ATP8B3: variants seen among roughly 807,000 people sequenced by gnomAD.
ATP8B3 encodes phospholipid-transporting ATPase IK.
ATP8B3 carries 141 observed loss-of-function variants against 140.9 expected under a neutral mutation model. That is an observed-to-expected ratio of 1.00 (90% CI 0.87 to 1.15). The LOEUF (loss-of-function observed/expected upper bound fraction) is 1.15. ATP8B3 is among the 50% of genes most tolerant of loss of function. The pLI, the probability that ATP8B3 is intolerant of heterozygous loss-of-function variation, is 0.00. For synonymous variants in ATP8B3, 765 were observed against 714.6 expected (o/e 1.07, Z -1.13); for missense variants, 1,874 against 1,740.6 (o/e 1.08, Z -1.36).
In ATP8B3 at chr19:1,806,369, G is replaced by C; in HGVS notation, c.678-200C>G. On this transcript the variant is annotated intron_variant, in intron 7 of 28. Transcript: ENST00000310127. The surrounding 1 kb of genome is among the most constrained non-coding windows in gnomAD (Gnocchi z 5.6). Reference sequence around the variant, plus strand: ...CCCACCCAGTGACCTCCAGGGTCCTGCACCCACGTCCTCTTCAGACTTTCC... The same window carrying C: ...CCCACCCAGTGACCTCCAGGGTCCTCCACCCACGTCCTCTTCAGACTTTCC... The C allele has an allele frequency of 6.9e-7, 1 of 1,449,344 alleles. No individual in the cohort carries two copies. Among genetic ancestry groups the C allele is most frequent in the South Asian group, 1.5e-5 (1 of 68,850 alleles). 89.8% of individuals were successfully genotyped at this position (1,449,344 alleles called of 1,614,324 possible).
At chr19:1,796,663 G>A in intron 16 of ATP8B3, 48 bp downstream of exon 16, 4 of 1,579,958 alleles carry the variant, frequency 2.5e-6, no homozygotes, top group Non-Finnish European at 3.4e-6. Flanking sequence ...ACACTGCCGT[G>A]CCCCGGGGGC....
chr19:1,785,760 A>G, intron 25 of ATP8B3, 52 bp from the exon 26 acceptor site: 2 of 1,401,652 alleles, frequency 1.4e-6, no homozygotes, highest in Non-Finnish European at 2.0e-6. Flanking sequence ...GGGACACCCA[A>G]CAGAGATCAG....
intron 18 of ATP8B3, 71 bp downstream of exon 18, chr19:1,795,804 C>T: frequency 2.9e-6 from 2 of 683,246 alleles, no homozygotes; most frequent in Non-Finnish European, 4.7e-6. Flanking sequence ...CACACACACA[C>T]ACACACACAC....
chr19:1,789,079 G>T lies in ATP8B3; in HGVS notation c.2887C>A (p.Gln963Lys). The T allele has an allele frequency of 6.3e-7, 1 of 1,586,950 alleles. No homozygotes were observed. Among genetic ancestry groups the T allele is most frequent in the Non-Finnish European group, 8.5e-7 (1 of 1,171,542 alleles). ...GVGLAGQEGM[Q>K]AVQNSDFVLG... ...ACGAAGTCGCTGTTCTGAACTGCCT[G>T]CATGCCCTCCTGGCCCGCCAGCCCC... The change falls in exon 24 of 29, where the codon CAG becomes AAG. Residue 963 changes from glutamine to lysine, a missense_variant. Gln to Lys is a moderately conservative substitution (Grantham distance 53). Around this residue, in one of 3 missense-constraint regions of ATP8B3, gnomAD observed 840 missense variants for 760.9 expected, o/e 1.10. Transcript: ENST00000310127.
rs1167906939 is a variant in ATP8B3 at position 1,802,049 on chromosome 19, A to G, written c.1064-5T>C. 15 of 1,607,012 alleles carry G rather than the reference A, an allele frequency of 9.3e-6. No homozygotes were observed. Among genetic ancestry groups the G allele is most frequent in the Non-Finnish European group, 1.3e-5 (15 of 1,177,954 alleles). ...TCATAATTTTTGTGTCAAAACCTAC[A>G]AACATGTATCCATCTATCCACCCAC... On this transcript the variant is annotated splice_polypyrimidine_tract_variant and splice_region_variant and intron_variant, in intron 11 of 28. Coordinates refer to ENST00000310127, the MANE Select transcript of ATP8B3 (RefSeq NM_138813.4).
At chr19:1,790,908 G>C (rs1344614499) in intron 20 of ATP8B3, 76 bp from the exon 21 acceptor site, 6 of 1,163,854 alleles carry the variant, frequency 5.2e-6, no homozygotes, top group Admixed American at 2.4e-5. Flanking sequence ...CACTCTGCCC[G>C]GTGAATCCTG....
Position 1,789,106 on chromosome 19 carries a change from C to A in ATP8B3, c.2860G>T (p.Val954Leu), listed in dbSNP as rs747084022. ...INMIKTADVGVGLAGQEGMQA... is the reference protein window; with the variant it reads ...INMIKTADVGLGLAGQEGMQA... Reference sequence around the variant, plus strand: ...ATGCCCTCCTGGCCCGCCAGCCCCACGCCCACGTCCGCGGCTGCAGGGCAC... The same window carrying A: ...ATGCCCTCCTGGCCCGCCAGCCCCAAGCCCACGTCCGCGGCTGCAGGGCAC... The change falls in exon 24 of 29, where the codon GTG becomes TTG. Residue 954 changes from valine to leucine, a missense_variant. Around this residue, in one of 3 missense-constraint regions of ATP8B3, gnomAD observed 840 missense variants for 760.9 expected, o/e 1.10. Transcript: ENST00000310127. 5 of 1,588,890 alleles carry A rather than the reference C, an allele frequency of 3.1e-6. No individual in the cohort carries two copies. In the South Asian group the frequency reaches 3.4e-5, roughly 11 times the overall value.
At position 1,784,834 on chromosome 19, in the gene ATP8B3, C is replaced by T. The variant is rs975260653; in HGVS notation, c.3645G>A (p.Lys1215=). The change falls in exon 28 of 29, where the codon AAG becomes AAA. Residue 1215 remains lysine, a synonymous_variant. Coordinates refer to ENST00000310127, the MANE Select transcript of ATP8B3 (RefSeq NM_138813.4). ...LALRVIFPAL[K]ELRAKEEKVE... ...CCCACCTCACCTTGGCACGTAGCTC[C>T]TTGAGGGCTGGGAAGATGACTCGGA... The T allele has an allele frequency of 8.7e-6, 14 of 1,606,804 alleles. No individual in the cohort carries two copies. The highest frequency in any genetic ancestry group is 1.2e-5 in the Non-Finnish European group (14 of 1,176,776).
chr19:1,807,187 C>T lies in ATP8B3; in HGVS notation c.596G>A (p.Arg199Gln), dbSNP rs748700469. ...ACTCACCATGTCGTCCACCAGGTCC[C>T]GGGTGGCACGGATGAAGAGGAGGCA... is the stretch of plus-strand genomic sequence containing the variant. ...MVCLLFIRAT[R>Q]DLVDDMGRHK... Residue 199 changes from arginine (R) to glutamine (Q), a missense_variant, in exon 6 of 29, where the codon CGG (arginine) becomes CAG (glutamine). Arg to Gln is a conservative substitution (Grantham distance 43, BLOSUM62 1). Coordinates refer to ENST00000310127, the MANE Select transcript of ATP8B3 (RefSeq NM_138813.4). The surrounding 1 kb of genome is among the most constrained non-coding windows in gnomAD (Gnocchi z 5.9). 1.2e-5 allele frequency: 20 copies of T among 1,612,836 alleles called. No individual in the cohort carries two copies. Among genetic ancestry groups the T allele is most frequent in the South Asian group, 4.4e-5 (4 of 91,064 alleles).
chr19:1,811,899 A>G lies in ATP8B3; in HGVS notation c.-148-15T>C. On this transcript the variant is annotated splice_polypyrimidine_tract_variant and intron_variant, in intron 1 of 28. Transcript: ENST00000310127. ...TCGAAGTGTATCTGGGGGCAGAAAG[A>G]GACACGGACACAGCGCTGGCTTCCT... 1 of 776,964 alleles carries G rather than the reference A, an allele frequency of 1.3e-6. No individual in the cohort carries two copies. Among genetic ancestry groups the G allele is most frequent in the Non-Finnish European group, 2.0e-6 (1 of 507,138 alleles). The allele number at this position is 776,964 out of a possible 1,614,324, so 48.1% of individuals were successfully genotyped here. A position where few individuals can be genotyped will look rare whatever the true frequency, so the allele number is the denominator to read the frequency against.
intron 12 of ATP8B3, among the ~76,000 whole-genome samples, chr19:1,801,702 A>G (rs1056162633): frequency 1.3e-5 from 2 of 152,164 alleles, no homozygotes; most frequent in Non-Finnish European, 2.9e-5. Flanking sequence ...CAGTGAGCCA[A>G]GATCACGCCA....
In ATP8B3 at chr19:1,807,647, C is replaced by T. The variant is rs1288240506; in HGVS notation, c.517-381G>A. Among the ~76,000 whole-genome samples the T allele has an allele frequency of 6.6e-6, 1 of 152,258 alleles. No homozygotes were observed. Among genetic ancestry groups the T allele is most frequent in the Non-Finnish European group, 1.5e-5 (1 of 68,048 alleles). On this transcript the variant is annotated intron_variant, in intron 5 of 28. Coordinates refer to ENST00000310127, the MANE Select transcript of ATP8B3 (RefSeq NM_138813.4). The surrounding 1 kb of genome is among the most constrained non-coding windows in gnomAD (Gnocchi z 5.9). ...GCTCCACCATCCCCTACCCTGGCAC[C>T]CGGCCAGCGGCCTGCACACAGTAGG...
At chr19:1,788,204 C>T (rs1382889442) in intron 24 of ATP8B3, among the ~76,000 whole-genome samples, 1 of 152,230 alleles carries the variant, frequency 6.6e-6, no homozygotes, top group African/African-American at 2.4e-5. Context: ...AATAGCACTG[C>T]CCTGGGGCTC....
intron 10 of ATP8B3, among the ~76,000 whole-genome samples, chr19:1,803,646 C>T (rs2068920613): frequency 6.6e-6 from 1 of 152,144 alleles, no homozygotes; most frequent in Non-Finnish European, 1.5e-5. Flanking sequence ...CCTGCCATCC[C>T]AGCAATTTCA....
intron 16 of ATP8B3, 81 bp from the exon 17 acceptor site, chr19:1,796,346 G>C: frequency 7.7e-7 from 1 of 1,290,522 alleles, no homozygotes; most frequent in Non-Finnish European, 1.1e-6. Flanking sequence ...GATGGGTATC[G>C]CCTGGGCTAC....
At chr19:1,789,265 C>G (rs2068409753) in intron 23 of ATP8B3, 96 bp downstream of exon 23, 3 of 1,332,470 alleles carry the variant, frequency 2.3e-6, no homozygotes, top group Non-Finnish European at 3.0e-6. Flanking sequence ...ATCAGCGCCC[C>G]CCTCACCTGC....
At chr19:1,793,192 G>C (rs1054846622) in intron 18 of ATP8B3, among the ~76,000 whole-genome samples, 4 of 151,642 alleles carry the variant, frequency 2.6e-5, no homozygotes, top group African/African-American at 4.9e-5. Context: ...CTGGGCTCAA[G>C]TGATTCTCCT....
chr19:1,804,539 C>T (rs1475045509), intron 10 of ATP8B3, among the ~76,000 whole-genome samples: 10 of 151,782 alleles, frequency 6.6e-5, no homozygotes, highest in African/African-American at 1.2e-4. Flanking sequence ...ACCCAGGAGG[C>T]GGAGCTTGCA....
In ATP8B3 at chr19:1,785,176, G is replaced by T. The variant is rs376028226; in HGVS notation, c.3515C>A (p.Thr1172Lys). Reference protein sequence around the residue: ...QSFWLFRVSPTTFPFLYADLS... With the variant: ...QSFWLFRVSPKTFPFLYADLS... ...GGGCTCACACAGAAACGGGAAGGTCGTGGGGGATACTCTGAAGAGCCAGAA... is the reference window on the plus strand; with the variant it reads ...GGGCTCACACAGAAACGGGAAGGTCTTGGGGGATACTCTGAAGAGCCAGAA... Residue 1172 changes from threonine to lysine, a missense_variant, in exon 27 of 29, where the codon ACG becomes AAG. Around this residue, in one of 3 missense-constraint regions of ATP8B3, gnomAD observed 840 missense variants for 760.9 expected, o/e 1.10. Coordinates refer to ENST00000310127, the MANE Select transcript of ATP8B3 (RefSeq NM_138813.4). 6.3e-7 allele frequency: 1 copy of T among 1,589,756 alleles called. No homozygotes were observed. The highest frequency in any genetic ancestry group is 8.6e-7 in the Non-Finnish European group (1 of 1,168,696).
Sources: allele counts gnomAD v4.1 joint callset (sites outside exome capture counted in the v4.1 genomes callset), GRCh38; gene constraint gnomAD v4.1.1; regional missense constraint gnomAD v4.1.1; non-coding constraint Gnocchi (gnomAD v3.1); transcripts MANE v1.5; gene names NCBI Gene and HGNC (gene_info 2026-07-23, HGNC 2026-07-21).